TANC2: variants seen among roughly 807,000 people sequenced by gnomAD.
TANC2 encodes the protein protein TANC2.
In TANC2, 26 loss-of-function variants were observed where a neutral mutation model predicts 210.5. The ratio of observed to expected loss-of-function variants is 0.12; its 90% CI spans 0.09 to 0.17. TANC2 has a LOEUF of 0.17. Among genes scored for constraint, TANC2 ranks in the 10% least tolerant of loss-of-function variants. TANC2 has a pLI of 1.00. For missense variants in TANC2, 2,129 were observed against 2,608.9 expected (o/e 0.82, Z 4.01); for synonymous variants, 931 against 967.1 (o/e 0.96, Z 0.69).
chr17:63,273,726 C>T (rs1299708870), intron 9 of TANC2, among the ~76,000 whole-genome samples: 1 of 152,204 alleles, frequency 6.6e-6, no homozygotes, highest in African/African-American at 2.4e-5. Flanking sequence ...TCAATACTGC[C>T]TCTCACTGAG....
chr17:63,232,801 T>TG (rs1437669523), intron 7 of TANC2, among the ~76,000 whole-genome samples: 1 of 152,204 alleles, frequency 6.6e-6, no homozygotes. Flanking sequence ...TGCACTGCAC[T>TG]GGGGGGAATC....
intron 4 of TANC2, among the ~76,000 whole-genome samples, chr17:63,128,361 A>G (rs986138343): frequency 3.3e-5 from 5 of 152,198 alleles, no homozygotes; most frequent in African/African-American, 7.2e-5. Flanking sequence ...CCACAAATGT[A>G]TATGCCTACT....
intron 7 of TANC2, among the ~76,000 whole-genome samples, chr17:63,203,749 G>T (rs2041609610): frequency 6.6e-6 from 1 of 152,170 alleles, no homozygotes; most frequent in South Asian, 2.1e-4. Context: ...CACATTCAAA[G>T]AGCAGGGAAT....
chr17:63,359,994 G>C (rs1205288095), intron 14 of TANC2, among the ~76,000 whole-genome samples: 2 of 152,170 alleles, frequency 1.3e-5, no homozygotes, highest in Admixed American at 1.3e-4. Context: ...TTGGAGACCT[G>C]ATGCTCCAAA....
chr17:63,186,141 A>G (rs867183680), intron 5 of TANC2, among the ~76,000 whole-genome samples: 3 of 152,136 alleles, frequency 2.0e-5, no homozygotes, highest in Non-Finnish European at 2.9e-5. Context: ...TCTGTCACCA[A>G]TACTTGAAAA....
intron 8 of TANC2, among the ~76,000 whole-genome samples, chr17:63,262,029 C>T (rs962066988): frequency 6.6e-6 from 1 of 152,098 alleles, no homozygotes; most frequent in African/African-American, 2.4e-5. Flanking sequence ...AAATTGGAAA[C>T]TTAATTTACA....
At chr17:63,378,094 T>C (rs2047483009) in intron 14 of TANC2, among the ~76,000 whole-genome samples, 1 of 152,132 alleles carries the variant, frequency 6.6e-6, no homozygotes, top group African/African-American at 2.4e-5. Context: ...AGTCAAAGCA[T>C]ATCAGCCATA....
chr17:63,356,212 T>C (rs1488567654), intron 14 of TANC2, among the ~76,000 whole-genome samples: 1 of 152,194 alleles, frequency 6.6e-6, no homozygotes, highest in African/African-American at 2.4e-5. Flanking sequence ...TCCCTTTTTA[T>C]TGCATGAAAC....
intron 17 of TANC2, among the ~76,000 whole-genome samples, chr17:63,393,174 C>G (rs1247537132): frequency 5.9e-5 from 9 of 152,278 alleles, no homozygotes; most frequent in Middle Eastern, 3.4e-3. Flanking sequence ...GCCAGTTGTT[C>G]TGTAGAATGT....
intron 5 of TANC2, among the ~76,000 whole-genome samples, chr17:63,187,709 A>G (rs1405885643): frequency 2.6e-5 from 4 of 152,102 alleles, no homozygotes; most frequent in Non-Finnish European, 4.4e-5. Flanking sequence ...AGATTTCACT[A>G]AGACACAATA....
At chr17:63,156,711 T>C (rs1031836520) in intron 5 of TANC2, among the ~76,000 whole-genome samples, 1 of 152,190 alleles carries the variant, frequency 6.6e-6, no homozygotes, top group Non-Finnish European at 1.5e-5. Context: ...GTAAGTTCTT[T>C]TTTTTTTCTC....
chr17:63,229,555 GTTT>G (rs34411520), intron 7 of TANC2, among the ~76,000 whole-genome samples: 82,239 of 140,214 alleles, frequency 0.59, 25,252 homozygotes, highest in African/African-American at 0.8. Context: ...CTGGTCCTGG[GTTT>G]TTTTTTTTTT....
intron 15 of TANC2, among the ~76,000 whole-genome samples, chr17:63,386,945 C>T (rs969066293): frequency 3.3e-5 from 5 of 151,926 alleles, no homozygotes; most frequent in South Asian, 2.1e-4. Context: ...CTCAAACTCC[C>T]GGGCTCAAGC....
At chr17:63,266,946 C>T (rs1055730563) in intron 8 of TANC2, among the ~76,000 whole-genome samples, 1 of 152,034 alleles carries the variant, frequency 6.6e-6, no homozygotes, top group Non-Finnish European at 1.5e-5. Flanking sequence ...ACCTCCCAGC[C>T]TCAATCAATC....
chr17:63,358,409 G>GTA (rs2046852411), intron 14 of TANC2, among the ~76,000 whole-genome samples: 2 of 151,212 alleles, frequency 1.3e-5, no homozygotes, highest in South Asian at 2.1e-4. Context: ...GTGTGTGTGT[G>GTA]TGTATGTGTG....
chr17:63,035,537 C>T (rs769429377), intron 2 of TANC2, among the ~76,000 whole-genome samples: 12 of 152,130 alleles, frequency 7.9e-5, no homozygotes, highest in East Asian at 5.8e-4. Flanking sequence ...AAAGTACTAG[C>T]GAGTGTTCCT....
chr17:63,144,077 G>C (rs933931464), intron 4 of TANC2, among the ~76,000 whole-genome samples: 2 of 152,052 alleles, frequency 1.3e-5, no homozygotes, highest in African/African-American at 4.8e-5. Context: ...ACTTAGCTCT[G>C]TATTCTTTAT....
At chr17:62,990,538 A>AC (rs1363014599) in intron 1 of TANC2, among the ~76,000 whole-genome samples, 1 of 151,672 alleles carries the variant, frequency 6.6e-6, no homozygotes, top group Non-Finnish European at 1.5e-5. Context: ...CCCACCTTGG[A>AC]CCCCCAAAGT....
chr17:63,112,292 T>G (rs2038080375), intron 4 of TANC2, among the ~76,000 whole-genome samples: 1 of 151,966 alleles, frequency 6.6e-6, no homozygotes, highest in African/African-American at 2.4e-5. Flanking sequence ...CCCTAAAGAT[T>G]AGGGTGGATC....
Sources: allele counts gnomAD v4.1 joint callset (sites outside exome capture counted in the v4.1 genomes callset), GRCh38; gene constraint gnomAD v4.1.1; transcripts MANE v1.5; gene names NCBI Gene and HGNC (gene_info 2026-07-23, HGNC 2026-07-21).